The following ZFAND6 variants were observed in gnomAD, a reference collection of about 807,000 sequenced individuals.
ZFAND6 encodes zinc finger AN1-type containing 6, also known as AN1-type zinc finger protein 6.
ZFAND6 carries 12 observed loss-of-function variants against 24.5 expected under a neutral mutation model. The ratio of observed to expected loss-of-function variants is 0.49; its 90% CI spans 0.31 to 0.79. The LOEUF (loss-of-function observed/expected upper bound fraction) is 0.79, where lower values mean the gene tolerates loss of function less well. ZFAND6 is among the 30% of genes least tolerant of loss of function. The pLI is 0.04. For synonymous variants in ZFAND6, 92 were observed against 81.5 expected, an observed-to-expected ratio of 1.13 and a Z score of -0.69; for missense variants, 207 against 245.9, an observed-to-expected ratio of 0.84 and a Z score of 1.06.
chr15:80,109,877 G>A (rs1156341209), intron 2 of ZFAND6, among the ~76,000 whole-genome samples: 1 of 152,234 alleles, frequency 6.6e-6, no homozygotes, highest in African/African-American at 2.4e-5. Flanking sequence ...CACAGTTTCT[G>A]TTGGGAATAT....
chr15:80,102,971 C>CT (rs1255455466), intron 2 of ZFAND6, among the ~76,000 whole-genome samples: 2 of 152,186 alleles, frequency 1.3e-5, no homozygotes, highest in African/African-American at 4.8e-5. Flanking sequence ...AGCCTTGGTA[C>CT]TTTTTATGTG....
chr15:80,087,213 A>G (rs2038058989), intron 1 of ZFAND6, among the ~76,000 whole-genome samples: 1 of 152,180 alleles, frequency 6.6e-6, no homozygotes, highest in African/African-American at 2.4e-5. Flanking sequence ...TTGCATGTTT[A>G]ACTTCATACG....
At chr15:80,073,138 T>C in intron 1 of ZFAND6, 1 of 169,412 alleles carries the variant, frequency 5.9e-6, no homozygotes, top group Non-Finnish European at 1.3e-5. Flanking sequence ...TATATTTTAA[T>C]TTAACAATAT....
At chr15:80,111,209 C>T (rs1468465502) in intron 2 of ZFAND6, among the ~76,000 whole-genome samples, 1 of 152,150 alleles carries the variant, frequency 6.6e-6, no homozygotes, top group Non-Finnish European at 1.5e-5. Flanking sequence ...TAAATCATGT[C>T]TGGGGATACA....
At chr15:80,131,063 T>C in intron 5 of ZFAND6, 117 bp from the exon 6 acceptor site, 2 of 718,708 alleles carry the variant, frequency 2.8e-6, no homozygotes, top group South Asian at 3.5e-5. Context: ...TAATGACTAG[T>C]TTTCTGTGCT....
intron 2 of ZFAND6, among the ~76,000 whole-genome samples, chr15:80,115,256 T>C (rs1428914484): frequency 1.3e-5 from 2 of 152,110 alleles, no homozygotes; most frequent in African/African-American, 4.8e-5. Context: ...GAGGGAGTAA[T>C]AGGTTGGGGA....
intron 5 of ZFAND6, among the ~76,000 whole-genome samples, chr15:80,125,433 G>A (rs1003715226): frequency 2.0e-5 from 3 of 152,162 alleles, no homozygotes; most frequent in African/African-American, 4.8e-5. Context: ...TTTTGTAATT[G>A]GAACATTCAG....
intron 1 of ZFAND6, among the ~76,000 whole-genome samples, chr15:80,068,917 C>T (rs968061486): frequency 1.3e-5 from 2 of 152,184 alleles, no homozygotes; most frequent in South Asian, 2.1e-4. Context: ...GCATAACAGA[C>T]GTTCAAAAGA....
In ZFAND6 at chr15:80,099,110, T is replaced by C. The variant is rs76828917; in HGVS notation, c.-18+532T>C. On this transcript the variant is annotated intron_variant, in intron 2 of 6. Coordinates refer to ENST00000261749, the MANE Select transcript of ZFAND6 (RefSeq NM_019006.4). Reference sequence around the variant, plus strand: ...AAGCACCCTTGTTCCCTAAATGCAGTTGAAAGTTTTTTAAATTCGCCAATT... The same window carrying C: ...AAGCACCCTTGTTCCCTAAATGCAGCTGAAAGTTTTTTAAATTCGCCAATT... Among the ~76,000 whole-genome samples the C allele has an allele frequency of 4.2e-3, 643 of 152,222 alleles. 5 individuals carry two copies. The highest frequency in any genetic ancestry group is 7.2e-3 in the Non-Finnish European group (487 of 68,010).
intron 2 of ZFAND6, among the ~76,000 whole-genome samples, chr15:80,108,134 T>TATA (rs1465143022): frequency 1.3e-5 from 2 of 152,240 alleles, no homozygotes; most frequent in African/African-American, 4.8e-5. Context: ...TAAAGTTCTA[T>TATA]ATAAGTATTG....
chr15:80,122,323 C>T (rs1433122698), intron 4 of ZFAND6, among the ~76,000 whole-genome samples: 1 of 152,062 alleles, frequency 6.6e-6, no homozygotes, highest in East Asian at 1.9e-4. Context: ...TATTAAGTTC[C>T]TACACTGGGG....
intron 1 of ZFAND6, among the ~76,000 whole-genome samples, chr15:80,090,013 C>G (rs1398373832): frequency 6.6e-6 from 1 of 152,196 alleles, no homozygotes; most frequent in Non-Finnish European, 1.5e-5. Context: ...TATAACGAAG[C>G]TAATCACTGT....
intron 2 of ZFAND6, among the ~76,000 whole-genome samples, chr15:80,102,343 A>G (rs1336159466): frequency 1.3e-5 from 2 of 151,446 alleles, no homozygotes; most frequent in Admixed American, 6.6e-5. Flanking sequence ...TCCTGACCTC[A>G]GGTGATCCAC....
At position 80,121,827 on chromosome 15, in the gene ZFAND6, T is replaced by C; in HGVS notation, c.263+7T>C. On this transcript the variant is annotated splice_region_variant and intron_variant, in intron 4 of 6. Coordinates refer to ENST00000261749, the MANE Select transcript of ZFAND6 (RefSeq NM_019006.4). ...CTTCATCTATGCAGCCCAGGTAAGA[T>C]GTACTCTCTGAATTCTAATGAGAAT... The C allele has an allele frequency of 6.2e-7, 1 of 1,606,314 alleles. No individual in the cohort carries two copies. Among genetic ancestry groups the C allele is most frequent in the East Asian group, 2.2e-5 (1 of 44,790 alleles).
chr15:80,135,314 C>T (rs2040811880), intron 6 of ZFAND6, among the ~76,000 whole-genome samples: 1 of 152,108 alleles, frequency 6.6e-6, no homozygotes, highest in African/African-American at 2.4e-5. Flanking sequence ...ACCAGTAAAG[C>T]TTCTGGTTAA....
chr15:80,079,070 G>A (rs2037472979), intron 1 of ZFAND6, among the ~76,000 whole-genome samples: 1 of 148,876 alleles, frequency 6.7e-6, no homozygotes, highest in African/African-American at 2.5e-5. Flanking sequence ...CCCAGAGTGT[G>A]TCTTCTTTTG....
At chr15:80,076,450 CT>C (rs371511615) in intron 1 of ZFAND6, among the ~76,000 whole-genome samples, 25 of 152,200 alleles carry the variant, frequency 1.6e-4, no homozygotes, top group African/African-American at 6.0e-4. Flanking sequence ...AAACACCCCC[CT>C]AATTGATCTT....
intron 6 of ZFAND6, among the ~76,000 whole-genome samples, chr15:80,135,814 A>C (rs2040834727): frequency 6.6e-6 from 1 of 152,192 alleles, no homozygotes; most frequent in Non-Finnish European, 1.5e-5. Flanking sequence ...CCCATACCTT[A>C]GCACATGTAC....
chr15:80,105,976 T>C (rs1294994559), intron 2 of ZFAND6, among the ~76,000 whole-genome samples: 1 of 152,218 alleles, frequency 6.6e-6, no homozygotes, highest in East Asian at 1.9e-4. Flanking sequence ...AATAAAGTTG[T>C]AATTTTGGAG....
Sources: gnomAD v4.1 joint callset for allele counts (sites outside exome capture counted in the v4.1 genomes callset) on GRCh38, gnomAD v4.1.1 for gene constraint, MANE v1.5 for transcripts, NCBI Gene and HGNC (gene_info 2026-07-23, HGNC 2026-07-21) for gene names.